The following DNAL1 variants were observed in gnomAD, a reference collection of about 807,000 sequenced individuals.
DNAL1 encodes dynein axonemal light chain 1.
Under a neutral mutation model 29.4 loss-of-function variants are expected in DNAL1, and 17 were observed. The observed-to-expected ratio is 0.58, with a 90% confidence interval of 0.40 to 0.87. DNAL1 has a LOEUF of 0.87. Ranked by LOEUF, DNAL1 falls within the 40% of genes least tolerant of loss-of-function variation. The pLI, the probability that DNAL1 is intolerant of heterozygous loss-of-function variation, is 0.00. For synonymous variants in DNAL1, 78 were observed against 76.3 expected, an observed-to-expected ratio of 1.02 and a Z score of -0.12; for missense variants, 188 against 214.1, an observed-to-expected ratio of 0.88 and a Z score of 0.76.
intron 5 of DNAL1, among the ~76,000 whole-genome samples, chr14:73,682,031 G>T (rs771109193): frequency 6.6e-5 from 10 of 151,664 alleles, no homozygotes; most frequent in Non-Finnish European, 1.2e-4. Context: ...AGAATCACTT[G>T]AACCTGGGAG....
At position 73,645,004 on chromosome 14, in the gene DNAL1, C is replaced by G; in HGVS notation, c.-36C>G. 1.2e-6 allele frequency: 2 copies of G among 1,607,458 alleles called. No homozygotes were observed. Among genetic ancestry groups the G allele is most frequent in the Non-Finnish European group, 1.7e-6 (2 of 1,177,434 alleles). ...CGCACGCGCACTGACCCCGCGGGCC[C>G]TAGCAACCAGAGCAGTGACAGTAGC... On this transcript the variant is annotated 5_prime_UTR_variant, in exon 1 of 8. Coordinates refer to ENST00000553645, the MANE Select transcript of DNAL1 (RefSeq NM_031427.4).
At position 73,697,220 on chromosome 14, in the gene DNAL1, A is replaced by T. The variant is rs1354066294; in HGVS notation, c.*1278A>T. 6 of 152,326 alleles carry T rather than the reference A, an allele frequency of 3.9e-5. No homozygotes were observed. The highest frequency in any genetic ancestry group is 1.4e-4 in the African/African-American group (6 of 41,590). The allele number at this position is 152,326 out of a possible 1,614,324, so 9.4% of individuals were successfully genotyped here. On this transcript the variant is annotated 3_prime_UTR_variant, in exon 8 of 8. Transcript: ENST00000553645. ...GAAAAGAAGTCAGGGGCCCTCTGCC[A>T]AATTGTGCCTAAAGTCCCTCAGAGA...
rs963272698 is a variant in DNAL1, at chr14:73,702,947, A to C, written c.*7005A>C. ...CAACATCGTGAGACCCCATCTCTAC[A>C]AAAAAAAAAAAAGAAAAAAAAAATT... On this transcript the variant is annotated 3_prime_UTR_variant, in exon 8 of 8. Coordinates refer to ENST00000553645, the MANE Select transcript of DNAL1 (RefSeq NM_031427.4). 1 of 135,966 alleles carries C rather than the reference A, an allele frequency of 7.4e-6. No individual in the cohort carries two copies. The highest frequency in any genetic ancestry group is 1.7e-5 in the Non-Finnish European group (1 of 60,508). The allele number at this position is 135,966 out of a possible 1,614,324, so 8.4% of individuals were successfully genotyped here. A position where few individuals can be genotyped will look rare whatever the true frequency, so the allele number is the denominator to read the frequency against.
intron 1 of DNAL1, chr14:73,651,447 A>C (rs1338957794): frequency 2.0e-5 from 3 of 152,202 alleles, no homozygotes; most frequent in Non-Finnish European, 4.4e-5. Context: ...ATACCCTTGA[A>C]AGCTTAGTAG....
chr14:73,695,194 C>T (rs1315308857), intron 7 of DNAL1, among the ~76,000 whole-genome samples: 1 of 151,274 alleles, frequency 6.6e-6, no homozygotes, highest in Non-Finnish European at 1.5e-5. Context: ...TAGTTGAAGA[C>T]TACAGGCTCA....
Position 73,687,318 on chromosome 14 carries a change from G to A in DNAL1, c.324G>A (p.Leu108=). The A allele has an allele frequency of 3.1e-6, 5 of 1,613,426 alleles. No individual in the cohort carries two copies. Among genetic ancestry groups the A allele is most frequent in the Non-Finnish European group, 4.2e-6 (5 of 1,179,700 alleles). Residue 108 remains leucine (L), a synonymous_variant, in exon 6 of 8, where the codon TTG becomes TTA. Coordinates refer to ENST00000553645, the MANE Select transcript of DNAL1 (RefSeq NM_031427.4). ...LWISYNFIEK[L]KGIHIMKKLK... ...TCTCCTACAATTTTATTGAGAAGTT[G>A]AAAGGGATCCACATAATGAAGAAAT...
chr14:73,702,830 C>G lies in DNAL1; in HGVS notation c.*6888C>G, dbSNP rs553702468. 3.9e-5 allele frequency: 6 copies of G among 152,128 alleles called. No homozygotes were observed. Among genetic ancestry groups the G allele is most frequent in the Non-Finnish European group, 8.8e-5 (6 of 68,034 alleles). 9.4% of individuals were successfully genotyped at this position (152,128 alleles called of 1,614,324 possible). A position where few individuals can be genotyped will look rare whatever the true frequency, so the allele number is the denominator to read the frequency against. ...ATACATTTCTTGCTGCTGTCCTCCA[C>G]TAAACAGCAGACAAATTGCCAGGTG... is the stretch of plus-strand genomic sequence containing the variant. On this transcript the variant is annotated 3_prime_UTR_variant, in exon 8 of 8. Transcript: ENST00000553645.
chr14:73,657,342 A>G (rs557455725), intron 2 of DNAL1, among the ~76,000 whole-genome samples: 26 of 152,068 alleles, frequency 1.7e-4, no homozygotes, highest in Non-Finnish European at 2.6e-4. Flanking sequence ...CACCACATCT[A>G]GCTGATTTTT....
intron 7 of DNAL1, among the ~76,000 whole-genome samples, chr14:73,694,443 G>A (rs2140065799): frequency 6.6e-6 from 1 of 152,080 alleles, no homozygotes; most frequent in African/African-American, 2.4e-5. Flanking sequence ...AGTTAAGACT[G>A]AATACTCAGC....
Position 73,695,883 on chromosome 14 carries a change from A to C in DNAL1, c.533-19A>C. The C allele has an allele frequency of 6.4e-7, 1 of 1,554,068 alleles. No individual in the cohort carries two copies. The highest frequency in any genetic ancestry group is 8.7e-7 in the Non-Finnish European group (1 of 1,148,806). On this transcript the variant is annotated intron_variant, in intron 7 of 7. Coordinates refer to ENST00000553645, the MANE Select transcript of DNAL1 (RefSeq NM_031427.4). The stretch of plus-strand genomic sequence containing the variant: ...AATTTTTTGAGAATAACCAGTAATA[A>C]TTTTCTTTTTCATTTTAGGTACTCC...
At chr14:73,664,131 T>C (rs1375983851) in intron 4 of DNAL1, among the ~76,000 whole-genome samples, 2 of 152,236 alleles carry the variant, frequency 1.3e-5, no homozygotes, top group South Asian at 2.1e-4. Flanking sequence ...TACATACTTA[T>C]CTGTGCAGGT....
Position 73,700,687 on chromosome 14 carries a change from T to TA in DNAL1, c.*4746dup. On this transcript the variant is annotated 3_prime_UTR_variant, in exon 8 of 8. Coordinates refer to ENST00000553645, the MANE Select transcript of DNAL1 (RefSeq NM_031427.4). Reference sequence around the variant, plus strand: ...TCAGACCATCAATTCACTAAGACCTTATACTCTGTAAGTGTTGGTAAAGGA... The same window carrying TA: ...TCAGACCATCAATTCACTAAGACCTTAATACTCTGTAAGTGTTGGTAAAGGA... 6.6e-6 allele frequency: 1 copy of TA among 152,338 alleles called. No individual in the cohort carries two copies. The highest frequency in any genetic ancestry group is 1.5e-5 in the Non-Finnish European group (1 of 68,034). 9.4% of individuals were successfully genotyped at this position (152,338 alleles called of 1,614,324 possible).
At chr14:73,681,621 A>ATATATATATATATATAT (rs1237407668) in intron 5 of DNAL1, among the ~76,000 whole-genome samples, 1 of 39,998 alleles carries the variant, frequency 2.5e-5, no homozygotes, top group African/African-American at 9.7e-5. Flanking sequence ...AAAAAAAAAA[A>ATATATATATATATATAT]AAAAAAAAAA....
intron 2 of DNAL1, among the ~76,000 whole-genome samples, chr14:73,658,417 A>AT (rs917054689): frequency 6.6e-6 from 1 of 151,804 alleles, no homozygotes; most frequent in South Asian, 2.1e-4. Flanking sequence ...GAATTTTAGG[A>AT]TTTTTTTCTA....
chr14:73,682,869 ATTTTTTTTTT>A (rs57815202), intron 5 of DNAL1, among the ~76,000 whole-genome samples: 3 of 101,834 alleles, frequency 2.9e-5, no homozygotes, highest in Admixed American at 1.1e-4. Flanking sequence ...TTTTATAGTT[ATTTTTTTTTT>A]TTTTTTTTTT....
chr14:73,682,243 T>G (rs1006423312), intron 5 of DNAL1, among the ~76,000 whole-genome samples: 5 of 146,500 alleles, frequency 3.4e-5, no homozygotes, highest in East Asian at 4.2e-4. Context: ...CAATCTCAGT[T>G]CACTGCAACC....
rs1891276630 is a variant in DNAL1, at chr14:73,658,954, C to T, written c.150C>T (p.Cys50=). The change falls in exon 3 of 8, where the codon TGC becomes TGT. Residue 50 remains cysteine, a splice_region_variant and synonymous_variant. Transcript: ENST00000553645. ...MDASLSMLAN[C]EKLSLSTNCI... ...CATCCTTGTCCATGCTTGCTAATTG[C>T]GAGTAAGTTCTCTTTTCATCCTTCC... 6.8e-7 allele frequency: 1 copy of T among 1,479,064 alleles called. No individual in the cohort carries two copies. The highest frequency in any genetic ancestry group is 9.0e-7 in the Non-Finnish European group (1 of 1,108,108). 91.6% of individuals were successfully genotyped at this position (1,479,064 alleles called of 1,614,324 possible). A position where few individuals can be genotyped will look rare whatever the true frequency, so the allele number is the denominator to read the frequency against.
intron 5 of DNAL1, among the ~76,000 whole-genome samples, chr14:73,674,268 G>A (rs1595214719): frequency 6.6e-6 from 1 of 151,916 alleles, no homozygotes; most frequent in Non-Finnish European, 1.5e-5. Context: ...CTTTATACTT[G>A]GCTGTTCCCT....
intron 5 of DNAL1, among the ~76,000 whole-genome samples, chr14:73,679,273 C>T (rs911525751): frequency 2.6e-5 from 4 of 152,122 alleles, no homozygotes; most frequent in African/African-American, 7.2e-5. Context: ...GGATTACAGG[C>T]GTGAGCCACC....
Sources: gnomAD v4.1 joint callset for allele counts (sites outside exome capture counted in the v4.1 genomes callset) on GRCh38, gnomAD v4.1.1 for gene constraint, MANE v1.5 for transcripts, NCBI Gene and HGNC (gene_info 2026-07-23, HGNC 2026-07-21) for gene names.